TINAG: variants seen among roughly 807,000 people sequenced by gnomAD.
TINAG encodes the protein tubulointerstitial nephritis antigen.
A neutral mutation model predicts 72.7 loss-of-function variants in TINAG; 83 were observed. The observed-to-expected ratio is 1.14, with a 90% CI of 0.96 to 1.37. The LOEUF (loss-of-function observed/expected upper bound fraction) is 1.37. Among genes scored for constraint, TINAG ranks in the 40% most tolerant of loss-of-function variants. The pLI, the probability that TINAG is intolerant of heterozygous loss-of-function variation, is 0.00. For synonymous variants in TINAG, 234 were observed against 189.9 expected, an observed-to-expected ratio of 1.23 and a Z score of -1.91; for missense variants, 685 against 576.6, an observed-to-expected ratio of 1.19 and a Z score of -1.93.
chr6:54,343,085 C>A, intron 4 of TINAG, 141 bp from the exon 5 acceptor site: 1 of 672,936 alleles, frequency 1.5e-6, no homozygotes, highest in Non-Finnish European at 2.1e-6. Flanking sequence ...AATATAAATC[C>A]CACATAGCTG....
intron 9 of TINAG, among the ~76,000 whole-genome samples, chr6:54,366,272 G>T (rs1763414497): frequency 1.3e-5 from 2 of 151,662 alleles, no homozygotes; most frequent in African/African-American, 2.4e-5. Flanking sequence ...GTGTGTGTGT[G>T]TGTGTGAAAA....
rs752075476 is a variant in TINAG, at chr6:54,354,622, A to T, written c.1236A>T (p.Ala412=). ...AATATCGAAAGCTTCAGACACATGC[A>T]GTCAAACTCACTGGGTAAGGCAATT... ...SEKYRKLQTH[A]VKLTGWGTLR... is the part of the protein sequence containing the mutation. The change falls in exon 9 of 11, where the codon GCA becomes GCT. Residue 412 remains alanine, a synonymous_variant. Transcript: ENST00000259782. 6.2e-7 allele frequency: 1 copy of T among 1,607,034 alleles called. No homozygotes were observed. The highest frequency in any genetic ancestry group is 8.5e-7 in the Non-Finnish European group (1 of 1,177,224).
At chr6:54,351,056 T>G (rs932162462) in intron 7 of TINAG, among the ~76,000 whole-genome samples, 3 of 151,962 alleles carry the variant, frequency 2.0e-5, no homozygotes, top group African/African-American at 7.2e-5. Flanking sequence ...AGAAAAAAAT[T>G]AGAGGTACTA....
At chr6:54,333,625 A>T (rs79364737) in intron 4 of TINAG, among the ~76,000 whole-genome samples, 1 of 140,368 alleles carries the variant, frequency 7.1e-6, no homozygotes, top group Non-Finnish European at 1.5e-5. Flanking sequence ...ATAAAAAAAA[A>T]AAAAATAAAA....
At chr6:54,362,356 A>C (rs957485369) in intron 9 of TINAG, among the ~76,000 whole-genome samples, 45 of 151,812 alleles carry the variant, frequency 3.0e-4, no homozygotes, top group African/African-American at 9.4e-4. Flanking sequence ...CTTAAGAGTT[A>C]TGCTAAATTA....
At chr6:54,338,719 CAA>C (rs57231980) in intron 4 of TINAG, among the ~76,000 whole-genome samples, 6,197 of 56,072 alleles carry the variant, frequency 0.11, 71 homozygotes, top group East Asian at 0.3. Context: ...GACTCTGTCT[CAA>C]AAAAAAAAAA....
intron 4 of TINAG, among the ~76,000 whole-genome samples, chr6:54,340,252 C>A (rs931836687): frequency 1.3e-5 from 2 of 152,032 alleles, no homozygotes; most frequent in African/African-American, 4.8e-5. Flanking sequence ...TATTTTTCAA[C>A]ATTACAATGA....
chr6:54,344,497 T>G (rs999113493), intron 5 of TINAG, among the ~76,000 whole-genome samples: 23 of 152,188 alleles, frequency 1.5e-4, no homozygotes, highest in African/African-American at 5.5e-4. Flanking sequence ...AGATTAAGGT[T>G]GTTTCAGATG....
intron 8 of TINAG, among the ~76,000 whole-genome samples, chr6:54,352,428 A>G (rs1451118236): frequency 6.6e-6 from 1 of 151,904 alleles, no homozygotes; most frequent in Non-Finnish European, 1.5e-5. Flanking sequence ...TTTAAAAATT[A>G]TGGGAAAATT....
intron 1 of TINAG, among the ~76,000 whole-genome samples, chr6:54,315,787 A>G (rs896614465): frequency 4.6e-5 from 7 of 152,168 alleles, no homozygotes; most frequent in Non-Finnish European, 8.8e-5. Flanking sequence ...GGTATAGAGG[A>G]TTTTAAGGAG....
At chr6:54,360,948 T>A (rs1763217529) in intron 9 of TINAG, among the ~76,000 whole-genome samples, 1 of 147,962 alleles carries the variant, frequency 6.8e-6, no homozygotes, top group South Asian at 2.2e-4. Context: ...TGTGCTTGCT[T>A]GAGTCTCTGT....
At chr6:54,385,865 GA>G (rs1321057046) in intron 10 of TINAG, among the ~76,000 whole-genome samples, 4 of 106,248 alleles carry the variant, frequency 3.8e-5, no homozygotes, top group Admixed American at 9.6e-5. Flanking sequence ...GAGTCAAGGA[GA>G]AAAAAAAACA....
intron 4 of TINAG, among the ~76,000 whole-genome samples, chr6:54,334,646 C>A (rs996859635): frequency 6.6e-6 from 1 of 152,102 alleles, no homozygotes. Flanking sequence ...AGGTTAAAAG[C>A]CACCACAGAA....
chr6:54,354,514 C>T lies in TINAG; in HGVS notation c.1128C>T (p.Ala376=), dbSNP rs1785344308. 6.3e-7 allele frequency: 1 copy of T among 1,598,340 alleles called. No individual in the cohort carries two copies. Among genetic ancestry groups the T allele is most frequent in the Non-Finnish European group, 8.5e-7 (1 of 1,174,082 alleles). Residue 376 remains alanine (A), a splice_region_variant and synonymous_variant, in exon 9 of 11, where the codon GCC becomes GCT. Transcript: ENST00000259782. ...KEIMQNGPVQ[A]IMQVREDFFH... ...TTGTTCTGTTGGATTTTATTTTAGCCATAATGCAAGTCCGTGAAGATTTCT... is the reference window on the plus strand; with the variant it reads ...TTGTTCTGTTGGATTTTATTTTAGCTATAATGCAAGTCCGTGAAGATTTCT...
In TINAG at chr6:54,347,400, A is replaced by C. The variant is rs1395484148; in HGVS notation, c.782A>C (p.Lys261Thr). ...GCTGACCGAATAGCAATTCAGTCTAAGGGTCGATACACGGCCAATCTATCC... is the reference window on the plus strand; with the variant it reads ...GCTGACCGAATAGCAATTCAGTCTACGGGTCGATACACGGCCAATCTATCC... ...VAADRIAIQS[K>T]GRYTANLSPQ... Residue 261 changes from lysine to threonine, a missense_variant, in exon 6 of 11, where the codon AAG (lysine) becomes ACG (threonine). By Grantham distance (78) the Lys-to-Thr change is moderately conservative. Coordinates refer to ENST00000259782, the MANE Select transcript of TINAG (RefSeq NM_014464.4). The C allele has an allele frequency of 3.1e-6, 5 of 1,613,200 alleles. No individual in the cohort carries two copies. The highest frequency in any genetic ancestry group is 4.2e-6 in the Non-Finnish European group (5 of 1,179,512).
chr6:54,310,073 T>A (rs1001341945), intron 1 of TINAG, among the ~76,000 whole-genome samples: 1 of 64,030 alleles, frequency 1.6e-5, no homozygotes, highest in Admixed American at 1.7e-4. Context: ...TTCCTTTTTT[T>A]TCCGTGTGTG....
chr6:54,318,126 A>T (rs1472795859), intron 1 of TINAG, among the ~76,000 whole-genome samples: 1 of 152,000 alleles, frequency 6.6e-6, no homozygotes, highest in African/African-American at 2.4e-5. Context: ...ACTTTCTCTT[A>T]CCTATATACA....
At chr6:54,324,317 C>T (rs1320047781) in intron 3 of TINAG, among the ~76,000 whole-genome samples, 2 of 152,178 alleles carry the variant, frequency 1.3e-5, no homozygotes, top group Non-Finnish European at 2.9e-5. Flanking sequence ...GATGGCCTTA[C>T]TCTATGTCTT....
intron 4 of TINAG, among the ~76,000 whole-genome samples, chr6:54,339,247 C>T: frequency 6.6e-6 from 1 of 152,140 alleles, no homozygotes. Flanking sequence ...GATTTCTCAC[C>T]AGTAAATCTG....
Sources: gnomAD v4.1 joint callset for allele counts (sites outside exome capture counted in the v4.1 genomes callset) on GRCh38, gnomAD v4.1.1 for gene constraint, MANE v1.5 for transcripts, NCBI Gene and HGNC (gene_info 2026-07-23, HGNC 2026-07-21) for gene names.